Variants in BCL11B observed in about 807,000 individuals in gnomAD.
BCL11B encodes the protein BCL11 transcription factor B.
Under a neutral mutation model 49.9 loss-of-function variants are expected in BCL11B, and 8 were observed. That is an observed-to-expected ratio of 0.16 (90% CI 0.09 to 0.29). BCL11B has a LOEUF of 0.29. Among genes scored for constraint, BCL11B ranks in the 10% least tolerant of loss-of-function variants. BCL11B has a pLI of 1.00. For missense variants in BCL11B, 1,006 were observed against 1,351.0 expected (o/e 0.74, Z 4.00); for synonymous variants, 739 against 637.4 (o/e 1.16, Z -2.40).
Position 99,172,951 on chromosome 14 carries a change from A to AC in BCL11B, c.*1199dup. The stretch of plus-strand genomic sequence containing the variant: ...TAGAAATTTGCAAGATCCCCACCCC[A>AC]CCCATCCCTACAATATCATCAGTGT... On this transcript the variant is annotated 3_prime_UTR_variant, in exon 4 of 4. Coordinates refer to ENST00000357195, the MANE Select transcript of BCL11B (RefSeq NM_138576.4). 1.1e-5 allele frequency: 2 copies of AC among 187,972 alleles called. No homozygotes were observed. Among genetic ancestry groups the AC allele is most frequent in the East Asian group, 1.7e-4 (2 of 11,450 alleles). The allele number at this position is 187,972 out of a possible 1,614,324, so 11.6% of individuals were successfully genotyped here.
chr14:99,265,769 AG>A (rs1861938961), intron 1 of BCL11B, among the ~76,000 whole-genome samples: 1 of 152,184 alleles, frequency 6.6e-6, no homozygotes, highest in Admixed American at 6.5e-5. Context: ...TGGAGAGTGA[AG>A]GCTCTTTCTC....
rs781338395 is a variant in BCL11B, at chr14:99,175,312, C to G, written c.1524G>C (p.Glu508Asp). The G allele has an allele frequency of 3.4e-5, 53 of 1,541,364 alleles. No individual in the cohort carries two copies. Among genetic ancestry groups the G allele is most frequent in the Non-Finnish European group, 4.0e-5 (46 of 1,148,844 alleles). The change falls in exon 4 of 4, where the codon GAG (glutamate) becomes GAC (aspartate). Residue 508 changes from glutamate (E) to aspartate (D), a missense_variant. Glu to Asp is a conservative substitution (Grantham distance 45). Coordinates refer to ENST00000357195, the MANE Select transcript of BCL11B (RefSeq NM_138576.4). ...AGTCACCGTCGGCCGCCTTGAGGCC[C>G]TCGCCCGCCAGCTCGCTGGTGCCGG... The part of the protein sequence containing the change: ...PEPGTSELAG[E>D]GLKAADGDFR...
At position 99,205,253 on chromosome 14, in the gene BCL11B, G is replaced by A. The variant is rs530717704; in HGVS notation, c.640+26092C>T. On this transcript the variant is annotated intron_variant, in intron 3 of 3. Transcript: ENST00000357195. This position sits in a 1 kb window ranked among gnomAD's most constrained non-coding sequence, Gnocchi z 5.0. ...TAGTGATGACGGCTCCATCCTACCCGGCCATTTCTTCATGGAGGTGTGGCC... is the reference window on the plus strand; with the variant it reads ...TAGTGATGACGGCTCCATCCTACCCAGCCATTTCTTCATGGAGGTGTGGCC... Among the ~76,000 whole-genome samples, 6 of 152,164 alleles carry A rather than the reference G, an allele frequency of 3.9e-5. No homozygotes were observed. The highest frequency in any genetic ancestry group is 1.9e-4 in the East Asian group (1 of 5,176).
chr14:99,229,070 G>GGATGGATGGATGGATGGATGGATGGATA (rs1888246831), intron 3 of BCL11B, among the ~76,000 whole-genome samples: 5 of 149,180 alleles, frequency 3.4e-5, no homozygotes, highest in African/African-American at 1.3e-4. Context: ...ATGGATGGAT[G>GGATGGATGGATGGATGGATGGATGGATA]GATGGATGGA....
At position 99,231,407 on chromosome 14, in the gene BCL11B, C is replaced by CCCGAGA; in HGVS notation, c.572_577dup (p.Val191_Ser192dup). 1.2e-5 allele frequency: 19 copies of CCCGAGA among 1,598,586 alleles called. No individual in the cohort carries two copies. Among genetic ancestry groups the CCCGAGA allele is most frequent in the Non-Finnish European group, 1.6e-5 (19 of 1,172,320 alleles). On this transcript the variant is annotated inframe_insertion, in exon 3 of 4. Coordinates refer to ENST00000357195, the MANE Select transcript of BCL11B (RefSeq NM_138576.4). The surrounding 1 kb of genome is among the most constrained non-coding windows in gnomAD (Gnocchi z 8.1). Reference sequence around the variant, plus strand: ...CTGACCCTCACCCTGAGTCCCGTCACCCGAGACCGGGCGCGCGCTGCAGCA... The same window carrying CCCGAGA: ...CTGACCCTCACCCTGAGTCCCGTCACCCGAGACCGAGACCGGGCGCGCGCTGCAGCA...
chr14:99,251,668 A>G (rs1889011450), intron 2 of BCL11B, among the ~76,000 whole-genome samples: 1 of 152,222 alleles, frequency 6.6e-6, no homozygotes, highest in South Asian at 2.1e-4. Flanking sequence ...CTCATTAGGA[A>G]GTACAGGACA....
At chr14:99,189,472 G>A (rs1409813618) in intron 3 of BCL11B, among the ~76,000 whole-genome samples, 1 of 152,216 alleles carries the variant, frequency 6.6e-6, no homozygotes, top group Non-Finnish European at 1.5e-5. Context: ...GTGTGTCCAC[G>A]TGGGCACACA....
At chr14:99,203,780 A>T (rs1887454113) in intron 3 of BCL11B, among the ~76,000 whole-genome samples, 1 of 152,168 alleles carries the variant, frequency 6.6e-6, no homozygotes, top group African/African-American at 2.4e-5. Context: ...AGGCATCATT[A>T]CAGGCCAGCA....
In BCL11B at chr14:99,247,007, G is replaced by A. The variant is rs1888864725; in HGVS notation, c.427+10464C>T. Among the ~76,000 whole-genome samples the A allele has an allele frequency of 6.6e-6, 1 of 152,114 alleles. No homozygotes were observed. Among genetic ancestry groups the A allele is most frequent in the Admixed American group, 6.6e-5 (1 of 15,266 alleles). On this transcript the variant is annotated intron_variant, in intron 2 of 3. Coordinates refer to ENST00000357195, the MANE Select transcript of BCL11B (RefSeq NM_138576.4). This position sits in a 1 kb window ranked among gnomAD's most constrained non-coding sequence, Gnocchi z 4.5. ...AGTGACCCAGGCCCCAGAGGGCTCCGCAGCCTGGAGCCTCGCGTCCCGCCT... is the reference window on the plus strand; with the variant it reads ...AGTGACCCAGGCCCCAGAGGGCTCCACAGCCTGGAGCCTCGCGTCCCGCCT...
intron 1 of BCL11B, among the ~76,000 whole-genome samples, chr14:99,265,512 C>T (rs1412180487): frequency 6.6e-6 from 1 of 152,046 alleles, no homozygotes; most frequent in Non-Finnish European, 1.5e-5. Flanking sequence ...TATCTATGAT[C>T]TGTGTTTAGT....
chr14:99,236,789 C>T (rs1888513167), intron 2 of BCL11B, among the ~76,000 whole-genome samples: 2 of 152,196 alleles, frequency 1.3e-5, no homozygotes, highest in Admixed American at 1.3e-4. Flanking sequence ...CTCCACCCAT[C>T]CCAACGGCTC....
At chr14:99,264,448 T>C (rs563526669) in intron 1 of BCL11B, 2 of 152,144 alleles carry the variant, frequency 1.3e-5, no homozygotes, top group South Asian at 4.2e-4. Flanking sequence ...TGTATTTCAA[T>C]AAAATAAGTG....
At chr14:99,208,944 C>G (rs1002883257) in intron 3 of BCL11B, among the ~76,000 whole-genome samples, 2 of 152,146 alleles carry the variant, frequency 1.3e-5, no homozygotes, top group Admixed American at 1.3e-4. Context: ...CCTCGAGCCC[C>G]CAAGAAGTGG....
rs1887062676 is a variant in BCL11B, at chr14:99,192,514, A to G, written c.641-16319T>C. ...TGGAGACCACAGCGCGCTACCTTTCACCTCGTCCTCGCCACACACACCCAG... is the reference window on the plus strand; with the variant it reads ...TGGAGACCACAGCGCGCTACCTTTCGCCTCGTCCTCGCCACACACACCCAG... On this transcript the variant is annotated intron_variant, in intron 3 of 3. Transcript: ENST00000357195. This position sits in a 1 kb window ranked among gnomAD's most constrained non-coding sequence, Gnocchi z 4.0. Among the ~76,000 whole-genome samples, 1 of 151,856 alleles carries G rather than the reference A, an allele frequency of 6.6e-6. No individual in the cohort carries two copies. Among genetic ancestry groups the G allele is most frequent in the Non-Finnish European group, 1.5e-5 (1 of 67,972 alleles).
intron 3 of BCL11B, among the ~76,000 whole-genome samples, chr14:99,199,726 A>G (rs1038137651): frequency 1.5e-5 from 2 of 133,980 alleles, no homozygotes; most frequent in African/African-American, 2.5e-5. Context: ...GTGTGCATGC[A>G]TATGTGTGTG....
chr14:99,199,681 T>TGC (rs1373200594), intron 3 of BCL11B, among the ~76,000 whole-genome samples: 96 of 71,082 alleles, frequency 1.4e-3, no homozygotes, highest in African/African-American at 3.7e-3. Flanking sequence ...TGTGTGTGTG[T>TGC]GTGCGCGCGC....
At position 99,257,577 on chromosome 14, in the gene BCL11B, C is replaced by G; in HGVS notation, c.321G>C (p.Arg107Ser). ...SPPPSSRSEL[R>S]KVSEPVEIGI... is the part of the protein sequence containing the mutation. ...CGATCTCCACCGGCTCGGACACTTTCCTGAGCTCGGAGCGTGAGGAGGGTG... is the reference window on the plus strand; with the variant it reads ...CGATCTCCACCGGCTCGGACACTTTGCTGAGCTCGGAGCGTGAGGAGGGTG... The change falls in exon 2 of 4, where the codon AGG becomes AGC. Residue 107 changes from arginine (R) to serine (S), a missense_variant. Coordinates refer to ENST00000357195, the MANE Select transcript of BCL11B (RefSeq NM_138576.4). This position sits in a 1 kb window ranked among gnomAD's most constrained non-coding sequence, Gnocchi z 6.2. 1 of 1,614,156 alleles carries G rather than the reference C, an allele frequency of 6.2e-7. No homozygotes were observed. The highest frequency in any genetic ancestry group is 8.5e-7 in the Non-Finnish European group (1 of 1,180,006).
At position 99,226,928 on chromosome 14, in the gene BCL11B, G is replaced by C. The variant is rs1160149476; in HGVS notation, c.640+4417C>G. ...AAGTAAATTGAATTTAACTTTACAA[G>C]ATTGCCCTGTGATTTCAGCATATAC... On this transcript the variant is annotated intron_variant, in intron 3 of 3. Transcript: ENST00000357195. 2.9e-4 allele frequency among the ~76,000 whole-genome samples: 44 copies of C among 152,182 alleles called. 1 individual carries two copies. Among genetic ancestry groups the C allele is most frequent in the Admixed American group, 2.8e-3 (43 of 15,288 alleles).
intron 3 of BCL11B, among the ~76,000 whole-genome samples, chr14:99,196,380 G>A (rs1311226875): frequency 6.6e-6 from 1 of 152,102 alleles, no homozygotes; most frequent in South Asian, 2.1e-4. Context: ...AAAAACAGGG[G>A]CTGGGGGTGC....
Sources: gnomAD v4.1 joint callset for allele counts (sites outside exome capture counted in the v4.1 genomes callset) on GRCh38, gnomAD v4.1.1 for gene constraint, Gnocchi (gnomAD v3.1) non-coding constraint, MANE v1.5 for transcripts, NCBI Gene and HGNC (gene_info 2026-07-23, HGNC 2026-07-21) for gene names.